Variants in UBE2R2 observed in about 807,000 individuals in gnomAD.
UBE2R2 encodes the protein ubiquitin conjugating enzyme E2 R2.
Under a neutral mutation model 27.8 loss-of-function variants are expected in UBE2R2, and 1 was observed. The ratio of observed to expected loss-of-function variants is 0.04; its 90% CI spans 0.01 to 0.17. The LOEUF (loss-of-function observed/expected upper bound fraction) is 0.17. UBE2R2 is among the 10% of genes least tolerant of loss of function. UBE2R2 has a pLI of 1.00. For synonymous variants in UBE2R2, 106 were observed against 113.3 expected, an observed-to-expected ratio of 0.94 and a Z score of 0.41; for missense variants, 100 against 291.0, an observed-to-expected ratio of 0.34 and a Z score of 4.78.
chr9:33,878,636 C>T (rs1821666884), intron 1 of UBE2R2, among the ~76,000 whole-genome samples: 1 of 152,024 alleles, frequency 6.6e-6, no homozygotes, highest in Non-Finnish European at 1.5e-5. Context: ...AAAAAAAAGG[C>T]AGATTTATTA....
intron 1 of UBE2R2, among the ~76,000 whole-genome samples, chr9:33,882,558 C>T (rs1587466777): frequency 6.6e-6 from 1 of 152,204 alleles, no homozygotes; most frequent in Non-Finnish European, 1.5e-5. Context: ...GCTGAGATTA[C>T]AGGCGTGAGC....
intron 2 of UBE2R2, among the ~76,000 whole-genome samples, chr9:33,888,211 A>G (rs1014875833): frequency 2.6e-5 from 4 of 152,200 alleles, no homozygotes; most frequent in African/African-American, 9.6e-5. Flanking sequence ...GTAGTAGTCT[A>G]TAATGCTCAT....
chr9:33,838,975 G>A (rs144485703), intron 1 of UBE2R2, among the ~76,000 whole-genome samples: 4,913 of 151,658 alleles, frequency 0.032, 273 homozygotes, highest in African/African-American at 0.11. Context: ...CCAGCTACTC[G>A]GGAGGATAAG....
intron 1 of UBE2R2, among the ~76,000 whole-genome samples, chr9:33,822,700 C>A (rs1820178152): frequency 6.6e-6 from 1 of 151,798 alleles, no homozygotes; most frequent in South Asian, 2.1e-4. Context: ...GCTGGTGTTA[C>A]AGATGTGAGC....
chr9:33,816,365 C>T (rs1825756912), upstream of UBE2R2, among the ~76,000 whole-genome samples: 1 of 152,120 alleles, frequency 6.6e-6, no homozygotes, highest in African/African-American at 2.4e-5. Flanking sequence ...GCCACAAGCA[C>T]CTATAGGGAA....
chr9:33,867,105 G>A lies in UBE2R2; in HGVS notation c.178-19776G>A, dbSNP rs1290011145. Among the ~76,000 whole-genome samples, 3 of 152,068 alleles carry A rather than the reference G, an allele frequency of 2.0e-5. No individual in the cohort carries two copies. In the East Asian group the frequency reaches 5.8e-4, roughly 29 times the overall value. ...ATATAACATAAAATTCACCATTTCA[G>A]TCTCAATCTGCTGACCTTGTGATCT... On this transcript the variant is annotated intron_variant, in intron 1 of 4. Transcript: ENST00000263228.
rs1241840284 is a variant in UBE2R2 at position 33,831,937 on chromosome 9, T to TGTGA, written c.177+14004_177+14005insTGAG. Among the ~76,000 whole-genome samples the TGTGA allele has an allele frequency of 9.1e-3, 1,381 of 152,020 alleles. 22 individuals are homozygous for TGTGA. The highest frequency in any genetic ancestry group is 0.031 in the African/African-American group (1,299 of 41,508). ...CAGCCTCCCAAAGTGCTGGGATTACTGGCGTGTGCCACCGCGCCCGACCTG... is the reference window on the plus strand; with the variant it reads ...CAGCCTCCCAAAGTGCTGGGATTACTGTGAGGCGTGTGCCACCGCGCCCGACCTG... On this transcript the variant is annotated intron_variant, in intron 1 of 4. Transcript: ENST00000263228.
intron 1 of UBE2R2, among the ~76,000 whole-genome samples, chr9:33,879,412 C>T (rs1821682544): frequency 6.6e-6 from 1 of 152,178 alleles, no homozygotes; most frequent in Non-Finnish European, 1.5e-5. Flanking sequence ...CATAAATTTT[C>T]ATGCAGCACT....
At chr9:33,838,846 G>A (rs28655967) in intron 1 of UBE2R2, among the ~76,000 whole-genome samples, 29,924 of 151,852 alleles carry the variant, frequency 0.2, 3,224 homozygotes, top group South Asian at 0.33. Flanking sequence ...ACTTTGGGAG[G>A]CCGAGGTGGG....
At chr9:33,857,917 A>C (rs186917256) in intron 1 of UBE2R2, among the ~76,000 whole-genome samples, 4 of 152,304 alleles carry the variant, frequency 2.6e-5, no homozygotes, top group African/African-American at 9.6e-5. Context: ...TTGTTCCTTA[A>C]TAATGGCTAA....
At chr9:33,859,760 T>TTGTGTG (rs57089790) in intron 1 of UBE2R2, among the ~76,000 whole-genome samples, 2,573 of 130,440 alleles carry the variant, frequency 0.02, 43 homozygotes, top group African/African-American at 0.041. Context: ...TCTAAGCCTT[T>TTGTGTG]TGTGTGTGTG....
At chr9:33,870,250 C>A (rs1469071669) in intron 1 of UBE2R2, among the ~76,000 whole-genome samples, 1 of 152,172 alleles carries the variant, frequency 6.6e-6, no homozygotes, top group Non-Finnish European at 1.5e-5. Context: ...TCAAGCGATT[C>A]TCCTGCCTCA....
At chr9:33,871,395 T>C (rs1302707610) in intron 1 of UBE2R2, among the ~76,000 whole-genome samples, 1 of 152,210 alleles carries the variant, frequency 6.6e-6, no homozygotes. Flanking sequence ...GGTGATTTCA[T>C]TGAGGGTACA....
intron 1 of UBE2R2, among the ~76,000 whole-genome samples, chr9:33,828,386 T>A (rs1820363868): frequency 6.7e-6 from 1 of 149,614 alleles, no homozygotes; most frequent in African/African-American, 2.5e-5. Context: ...AGTTTTTGTC[T>A]CTTAAAACTT....
intron 3 of UBE2R2, among the ~76,000 whole-genome samples, chr9:33,904,201 T>C (rs1391431218): frequency 1.3e-5 from 2 of 152,232 alleles, no homozygotes; most frequent in African/African-American, 2.4e-5. Flanking sequence ...TAAACTGTTA[T>C]ATTTTCTAAC....
chr9:33,857,703 T>C (rs1821140980), intron 1 of UBE2R2, among the ~76,000 whole-genome samples: 1 of 152,236 alleles, frequency 6.6e-6, no homozygotes, highest in South Asian at 2.1e-4. Context: ...TTAATAACGT[T>C]ACTGTAGAAT....
At position 33,917,382 on chromosome 9, in the gene UBE2R2, G is replaced by A. The variant is rs924763442; in HGVS notation, c.*145G>A. 2.3e-6 allele frequency: 3 copies of A among 1,279,658 alleles called. No individual in the cohort carries two copies. The highest frequency in any genetic ancestry group is 3.0e-5 in the African/African-American group (2 of 67,278). The allele number at this position is 1,279,658 out of a possible 1,614,324, so 79.3% of individuals were successfully genotyped here. On this transcript the variant is annotated 3_prime_UTR_variant, in exon 5 of 5. Coordinates refer to ENST00000263228, the MANE Select transcript of UBE2R2 (RefSeq NM_017811.4). The stretch of plus-strand genomic sequence containing the variant: ...ACAGCTCCTGCTGACTCCCCTTATG[G>A]ATCTCAGTTTGCTCCTTTTTATGGA...
chr9:33,824,772 C>T (rs1300861801), intron 1 of UBE2R2, among the ~76,000 whole-genome samples: 1 of 148,128 alleles, frequency 6.8e-6, no homozygotes, highest in South Asian at 2.1e-4. Flanking sequence ...CAGTGTACTC[C>T]AGCCTGGGCA....
rs145893004 is a variant in UBE2R2, at chr9:33,868,522, A to T, written c.178-18359A>T. The T allele has an allele frequency of 4.8e-4, 73 of 152,330 alleles. 1 individual carries two copies. The highest frequency in any genetic ancestry group is 1.6e-3 in the African/African-American group (68 of 41,574). 9.4% of individuals were successfully genotyped at this position (152,330 alleles called of 1,614,324 possible). A position where few individuals can be genotyped will look rare whatever the true frequency, so the allele number is the denominator to read the frequency against. Reference sequence around the variant, plus strand: ...GACTTTTGACACTTTGAGCAAGTTAATAAGAAAGCATGTTTTAACCACCCT... The same window carrying T: ...GACTTTTGACACTTTGAGCAAGTTATTAAGAAAGCATGTTTTAACCACCCT... On this transcript the variant is annotated intron_variant, in intron 1 of 4. Coordinates refer to ENST00000263228, the MANE Select transcript of UBE2R2 (RefSeq NM_017811.4).
Sources: gnomAD v4.1 joint callset for allele counts (sites outside exome capture counted in the v4.1 genomes callset) on GRCh38, gnomAD v4.1.1 for gene constraint, MANE v1.5 for transcripts, NCBI Gene and HGNC (gene_info 2026-07-23, HGNC 2026-07-21) for gene names.